Variants in ANKRD17 observed in about 807,000 individuals in gnomAD.
ANKRD17 encodes ankyrin repeat domain 17, also known as ankyrin repeat domain-containing protein 17.
A neutral mutation model predicts 229.7 loss-of-function variants in ANKRD17; 19 were observed. The ratio of observed to expected loss-of-function variants is 0.08; its 90% CI spans 0.06 to 0.12. The LOEUF is 0.12. ANKRD17 is among the 10% of genes least tolerant of loss of function. ANKRD17 has a pLI of 1.00. For synonymous variants in ANKRD17, 1,112 were observed against 1,146.1 expected (o/e 0.97, Z 0.60); for missense variants, 2,176 against 3,176.8 (o/e 0.68, Z 7.57).
intron 1 of ANKRD17, among the ~76,000 whole-genome samples, chr4:73,244,105 G>A (rs981059511): frequency 2.0e-5 from 3 of 152,032 alleles, no homozygotes; most frequent in African/African-American, 7.2e-5. Context: ...TATCTCCGGT[G>A]TCCTGTGTTC....
chr4:73,115,177 G>C (rs866725615), intron 23 of ANKRD17, among the ~76,000 whole-genome samples: 34 of 152,114 alleles, frequency 2.2e-4, no homozygotes, highest in African/African-American at 6.8e-4. Context: ...CTCAATATAG[G>C]TATCAGTCTG....
At chr4:73,081,994 T>C (rs1489779622) in intron 30 of ANKRD17, among the ~76,000 whole-genome samples, 1 of 151,554 alleles carries the variant, frequency 6.6e-6, no homozygotes, top group Non-Finnish European at 1.5e-5. Context: ...AAAAAAAATT[T>C]AACAAATTAG....
intron 10 of ANKRD17, among the ~76,000 whole-genome samples, chr4:73,145,423 T>C (rs1286887272): frequency 3.9e-5 from 6 of 152,174 alleles, no homozygotes; most frequent in Non-Finnish European, 1.5e-5. Context: ...GGATGGAGAC[T>C]CTACTGCATA....
chr4:73,140,545 G>A (rs1460640327), intron 14 of ANKRD17, among the ~76,000 whole-genome samples: 2 of 152,194 alleles, frequency 1.3e-5, no homozygotes, highest in Non-Finnish European at 2.9e-5. Flanking sequence ...ATAGAGGAAT[G>A]CAGGTTTGTG....
intron 23 of ANKRD17, among the ~76,000 whole-genome samples, chr4:73,114,117 ATTC>A (rs1387027708): frequency 3.3e-5 from 5 of 152,220 alleles, no homozygotes; most frequent in Non-Finnish European, 7.4e-5. Context: ...AGCTTTTGCT[ATTC>A]TTCAAAATAA....
At chr4:73,120,826 A>G (rs1055363661) in intron 20 of ANKRD17, 55 bp downstream of exon 20, 40 of 1,481,130 alleles carry the variant, frequency 2.7e-5, no homozygotes, top group African/African-American at 4.2e-5. Context: ...TTGCTACTAT[A>G]TATCTTAAAT....
intron 1 of ANKRD17, among the ~76,000 whole-genome samples, chr4:73,254,537 G>A (rs891592674): frequency 1.3e-5 from 2 of 152,152 alleles, no homozygotes; most frequent in African/African-American, 2.4e-5. Context: ...GGAGGCTGAG[G>A]CCAGTGGATC....
At chr4:73,226,272 C>G (rs1046040799) in intron 1 of ANKRD17, among the ~76,000 whole-genome samples, 1 of 147,634 alleles carries the variant, frequency 6.8e-6, no homozygotes, top group Non-Finnish European at 1.5e-5. Context: ...ACCGCGCCCG[C>G]CAGCATTTTT....
chr4:73,158,414 G>A (rs1025265753), intron 3 of ANKRD17, among the ~76,000 whole-genome samples: 2 of 152,116 alleles, frequency 1.3e-5, no homozygotes, highest in Non-Finnish European at 2.9e-5. Flanking sequence ...CATCAAATAT[G>A]CTAAATAAGC....
chr4:73,237,651 C>G (rs1406967193), intron 1 of ANKRD17, among the ~76,000 whole-genome samples: 4 of 152,058 alleles, frequency 2.6e-5, no homozygotes, highest in Non-Finnish European at 4.4e-5. Context: ...AAATCTTTGC[C>G]TTCATACTTT....
chr4:73,163,987 G>T (rs1578239809), intron 2 of ANKRD17, among the ~76,000 whole-genome samples: 1 of 152,064 alleles, frequency 6.6e-6, no homozygotes, highest in East Asian at 1.9e-4. Context: ...CTACAGTTAA[G>T]ATGTATAAAG....
intron 1 of ANKRD17, among the ~76,000 whole-genome samples, chr4:73,201,582 G>A (rs1360005379): frequency 6.6e-6 from 1 of 152,004 alleles, no homozygotes; most frequent in Non-Finnish European, 1.5e-5. Context: ...GAACTGAAAG[G>A]AAATGTATCA....
At chr4:73,192,868 A>G (rs140253334) in intron 1 of ANKRD17, among the ~76,000 whole-genome samples, 1 of 152,316 alleles carries the variant, frequency 6.6e-6, no homozygotes, top group East Asian at 1.9e-4. Flanking sequence ...TCTCAAGATA[A>G]GTAAAATCAG....
chr4:73,172,167 AG>A (rs1235341509), intron 2 of ANKRD17, among the ~76,000 whole-genome samples: 2 of 152,234 alleles, frequency 1.3e-5, no homozygotes, highest in African/African-American at 4.8e-5. Context: ...GGATCCTAAA[AG>A]CAGCAAGACA....
At chr4:73,089,863 T>A (rs1395672040) in intron 29 of ANKRD17, among the ~76,000 whole-genome samples, 3 of 152,176 alleles carry the variant, frequency 2.0e-5, no homozygotes, top group Non-Finnish European at 4.4e-5. Context: ...TTTAAGCACT[T>A]AAATATGGGT....
chr4:73,179,588 G>T lies in ANKRD17; in HGVS notation c.394-2055C>A, dbSNP rs1237893410. On this transcript the variant is annotated intron_variant, in intron 1 of 33. Coordinates refer to ENST00000358602, the MANE Select transcript of ANKRD17 (RefSeq NM_032217.5). ...TGCCCAAGCTGGCCTCAAACTCCTGGGATCAAGTAATCCTCCTGCCTTGGC... is the reference window on the plus strand; with the variant it reads ...TGCCCAAGCTGGCCTCAAACTCCTGTGATCAAGTAATCCTCCTGCCTTGGC... Among the ~76,000 whole-genome samples, 9 of 141,984 alleles carry T rather than the reference G, an allele frequency of 6.3e-5. No individual in the cohort carries two copies. In the Admixed American group the frequency reaches 6.8e-4, roughly 11 times the overall value. 93.1% of individuals were successfully genotyped at this position (141,984 alleles called of 152,430 possible).
intron 1 of ANKRD17, among the ~76,000 whole-genome samples, chr4:73,223,795 A>G (rs757266716): frequency 6.6e-5 from 10 of 152,238 alleles, no homozygotes; most frequent in Non-Finnish European, 1.3e-4. Flanking sequence ...TGAAATTTAG[A>G]GACACCAAAT....
In ANKRD17 at chr4:73,097,289, GA is replaced by G. The variant is rs772728429; in HGVS notation, c.5022-18del. On this transcript the variant is annotated intron_variant, in intron 26 of 33. Transcript: ENST00000358602. ...TCTGACAATCTTTAACAAAGAGAGG[GA>G]AAGTACATTAAATATGGAACAGATG... is the stretch of plus-strand genomic sequence containing the variant. 2 of 1,559,262 alleles carry G rather than the reference GA, an allele frequency of 1.3e-6. No individual in the cohort carries two copies. The highest frequency in any genetic ancestry group is 4.7e-5 in the East Asian group (2 of 42,306).
At chr4:73,124,788 T>C (rs1324163919) in intron 18 of ANKRD17, 125 bp downstream of exon 18, 6 of 1,187,896 alleles carry the variant, frequency 5.1e-6, no homozygotes, top group East Asian at 2.5e-5. Flanking sequence ...TAATAGATAA[T>C]AGTTTCAGTT....
Sources: gnomAD v4.1 joint callset for allele counts (sites outside exome capture counted in the v4.1 genomes callset) on GRCh38, gnomAD v4.1.1 for gene constraint, MANE v1.5 for transcripts, NCBI Gene and HGNC (gene_info 2026-07-23, HGNC 2026-07-21) for gene names.